Variants in TBX2 observed in about 807,000 individuals in gnomAD.
TBX2 encodes T-box transcription factor TBX2.
TBX2 carries 19 observed loss-of-function variants against 48.4 expected under a neutral mutation model. That is an observed-to-expected ratio of 0.39 (90% CI 0.27 to 0.58). TBX2 has a LOEUF of 0.58. Ranked by LOEUF, TBX2 falls within the 20% of genes least tolerant of loss-of-function variation. The pLI, the probability that TBX2 is intolerant of heterozygous loss-of-function variation, is 0.54. For missense variants in TBX2, 994 were observed against 1,006.5 expected (o/e 0.99, Z 0.17); for synonymous variants, 522 against 459.7 (o/e 1.14, Z -1.73).
At position 61,403,822 on chromosome 17, in the gene TBX2, C is replaced by T. The variant is rs1247473596; in HGVS notation, c.811-599C>T. On this transcript the variant is annotated intron_variant, in intron 3 of 6. Transcript: ENST00000240328. The surrounding 1 kb of genome is among the most constrained non-coding windows in gnomAD (Gnocchi z 5.8). ...GAGCATCACCCCTCTAGGCCTGTGC[C>T]CTTGTGCGCCACTGTCGAGTGAAAG... Among the ~76,000 whole-genome samples the T allele has an allele frequency of 2.0e-5, 3 of 152,076 alleles. No individual in the cohort carries two copies. Among genetic ancestry groups the T allele is most frequent in the Non-Finnish European group, 4.4e-5 (3 of 68,022 alleles).
At position 61,405,792 on chromosome 17, in the gene TBX2, G is replaced by A; in HGVS notation, c.1642G>A (p.Ala548Thr). The change falls in exon 6 of 7, where the codon GCG becomes ACG. Residue 548 changes from alanine (A) to threonine (T), a missense_variant. Physicochemically the swap from Ala to Thr is moderately conservative, Grantham distance 58 (BLOSUM62 0). Transcript: ENST00000240328. ...GPAASAASTA[A>T]PFPFHLSQHM... ...CGCGGCCAGCGCAGCAAGCACCGCC[G>A]CGCCCTTCCCGTTCCACCTCTCCCA... 7.5e-7 allele frequency: 1 copy of A among 1,325,288 alleles called. No individual in the cohort carries two copies. Among genetic ancestry groups the A allele is most frequent in the Non-Finnish European group, 9.6e-7 (1 of 1,044,442 alleles). 82.1% of individuals were successfully genotyped at this position (1,325,288 alleles called of 1,614,324 possible).
chr17:61,405,398 G>T lies in TBX2; in HGVS notation c.1248G>T (p.Pro416=). Reference sequence around the variant, plus strand: ...CGGCCGAGAGCGGCGGGGACGGCCCGTTCGGCCTGAGGAGCCTGGAGAAGG... The same window carrying T: ...CGGCCGAGAGCGGCGGGGACGGCCCTTTCGGCCTGAGGAGCCTGGAGAAGG... ...KEPAESGGDG[P]FGLRSLEKER... Residue 416 remains proline (P), a synonymous_variant, in exon 6 of 7, where the codon CCG becomes CCT. Coordinates refer to ENST00000240328, the MANE Select transcript of TBX2 (RefSeq NM_005994.4). 2 of 1,534,098 alleles carry T rather than the reference G, an allele frequency of 1.3e-6. No individual in the cohort carries two copies. Among genetic ancestry groups the T allele is most frequent in the Non-Finnish European group, 1.7e-6 (2 of 1,144,260 alleles).
chr17:61,408,125 C>G lies in TBX2; in HGVS notation c.1758C>G (p.Ala586=). 1 of 1,610,888 alleles carries G rather than the reference C, an allele frequency of 6.2e-7. No individual in the cohort carries two copies. The highest frequency in any genetic ancestry group is 8.5e-7 in the Non-Finnish European group (1 of 1,179,016). Residue 586 remains alanine, a synonymous_variant, in exon 7 of 7, where the codon GCC becomes GCG. Coordinates refer to ENST00000240328, the MANE Select transcript of TBX2 (RefSeq NM_005994.4). The stretch of plus-strand genomic sequence containing the variant: ...CCTACATGGCAGCAGCAGCCGCAGC[C>G]GCCTCGGCTTTGCCCGCCACTAGTG... ...PYTYMAAAAA[A]ASALPATSAA... is the part of the protein sequence containing the mutation.
chr17:61,404,934 T>A (rs778362112), intron 5 of TBX2, 165 bp downstream of exon 5: 1 of 1,259,896 alleles, frequency 7.9e-7, no homozygotes, highest in South Asian at 1.3e-5. Context: ...ACGAGGGCGG[T>A]CCCCGGTAGC....
chr17:61,401,099 C>G (rs926745519), intron 1 of TBX2, among the ~76,000 whole-genome samples: 1 of 152,156 alleles, frequency 6.6e-6, no homozygotes, highest in Non-Finnish European at 1.5e-5. Flanking sequence ...CGCGGGCATC[C>G]GAGCCCTGGA....
At chr17:61,404,329 C>G in intron 3 of TBX2, 92 bp from the exon 4 acceptor site, 1 of 1,453,808 alleles carries the variant, frequency 6.9e-7, no homozygotes. Context: ...CGGGTCTTCC[C>G]TCTGCGGCCA....
At chr17:61,402,067 A>G in intron 2 of TBX2, 116 bp downstream of exon 2, 4 of 1,432,812 alleles carry the variant, frequency 2.8e-6, no homozygotes, top group Non-Finnish European at 3.7e-6. Context: ...AAACCCCCAG[A>G]GTGCCCCTGC....
intron 1 of TBX2, 112 bp from the exon 2 acceptor site, chr17:61,401,572 A>T: frequency 7.1e-7 from 1 of 1,416,258 alleles, no homozygotes; most frequent in Non-Finnish European, 9.4e-7. Context: ...CAGGGGAAAC[A>T]GCCAGGCGGC....
In TBX2 at chr17:61,405,522, TC is replaced by T; in HGVS notation, c.1378del (p.Leu460TrpfsTer208). 5 of 1,586,594 alleles carry T rather than the reference TC, an allele frequency of 3.2e-6. No individual in the cohort carries two copies. The highest frequency in any genetic ancestry group is 1.3e-5 in the African/African-American group (1 of 74,454). On this transcript the variant is annotated frameshift_variant, in exon 6 of 7. Transcript: ENST00000240328. LOFTEE classifies it high-confidence loss of function. ...APLVVQTDSA[S>X]PLGAGHLPGL... ...GCTGGTGGTGCAGACAGACAGTGCG[TC>T]CCCCCTGGGCGCCGGACACCTGCCC...
chr17:61,404,263 C>G (rs952127338), intron 3 of TBX2, among the ~76,000 whole-genome samples, 158 bp from the exon 4 acceptor site: 2 of 152,266 alleles, frequency 1.3e-5, no homozygotes, highest in Non-Finnish European at 2.9e-5. Context: ...GCCCTCCCAC[C>G]GGCCTCAGCT....
chr17:61,402,752 T>G (rs1418728608), intron 2 of TBX2, among the ~76,000 whole-genome samples: 1 of 152,006 alleles, frequency 6.6e-6, no homozygotes, highest in Non-Finnish European at 1.5e-5. Context: ...TTTGTTTTGT[T>G]TTTTGTTTTG....
chr17:61,400,196 C>T lies in TBX2; in HGVS notation c.20C>T (p.Ala7Val), dbSNP rs1458507909. 4.3e-6 allele frequency: 5 copies of T among 1,152,284 alleles called. No individual in the cohort carries two copies. In the African/African-American group the frequency reaches 6.6e-5, roughly 15 times the overall value. The allele number at this position is 1,152,284 out of a possible 1,614,324, so 71.4% of individuals were successfully genotyped here. A position where few individuals can be genotyped will look rare whatever the true frequency, so the allele number is the denominator to read the frequency against. The change falls in exon 1 of 7, where the codon GCG becomes GTG. Residue 7 changes from alanine to valine, a missense_variant. Physicochemically the swap from Ala to Val is moderately conservative, Grantham distance 64. This residue lies in a region of TBX2 where 165 missense variants were observed against 136.8 expected (regional missense o/e 1.21). Coordinates refer to ENST00000240328, the MANE Select transcript of TBX2 (RefSeq NM_005994.4). This position sits in a 1 kb window ranked among gnomAD's most constrained non-coding sequence, Gnocchi z 9.2. MREPAL[A>V]ASAMAYHPFH... ...GTCCCGATGAGAGAGCCGGCGCTGGCGGCCAGCGCCATGGCTTACCACCCG... is the reference window on the plus strand; with the variant it reads ...GTCCCGATGAGAGAGCCGGCGCTGGTGGCCAGCGCCATGGCTTACCACCCG...
Position 61,401,757 on chromosome 17 carries a change from A to G in TBX2, c.469A>G (p.Ile157Val). 40 of 1,613,002 alleles carry G rather than the reference A, an allele frequency of 2.5e-5. No individual in the cohort carries two copies. The highest frequency in any genetic ancestry group is 3.2e-5 in the Non-Finnish European group (38 of 1,180,006). The change falls in exon 2 of 7, where the codon ATT (isoleucine) becomes GTT (valine). Residue 157 changes from isoleucine (I) to valine (V), a missense_variant. By Grantham distance (29) the Ile-to-Val change is conservative. Transcript: ENST00000240328. ...KKAKYILLMD[I>V]VAADDCRYKF... is the part of the protein sequence containing the mutation. ...GGCCAAGTATATCCTGCTGATGGAC[A>G]TTGTAGCCGCTGACGATTGCCGCTA... is the stretch of plus-strand genomic sequence containing the variant.
chr17:61,407,296 T>G (rs986983446), intron 6 of TBX2: 24 of 152,142 alleles, frequency 1.6e-4, no homozygotes, highest in African/African-American at 5.6e-4. Flanking sequence ...GGGAGCCCAG[T>G]GCAATCATCA....
chr17:61,405,007 G>C (rs2060281970), intron 5 of TBX2, 195 bp from the exon 6 acceptor site: 1 of 1,306,078 alleles, frequency 7.7e-7, no homozygotes. Context: ...ATAGCTGTAG[G>C]GTTTCCTCTC....
Position 61,409,047 on chromosome 17 carries a change from A to AG in TBX2, c.*542dup, listed in dbSNP as rs1343642764. The AG allele has an allele frequency of 2.0e-5, 3 of 152,256 alleles. No homozygotes were observed. The highest frequency in any genetic ancestry group is 7.3e-5 in the African/African-American group (3 of 41,110). The allele number at this position is 152,256 out of a possible 1,614,324, so 9.4% of individuals were successfully genotyped here. On this transcript the variant is annotated 3_prime_UTR_variant, in exon 7 of 7. Coordinates refer to ENST00000240328, the MANE Select transcript of TBX2 (RefSeq NM_005994.4). ...CCTCCCAGCCGTGGTCAACGGAGGG[A>AG]GTGGCACTTCTGCCTTGAGTCCCCA...
chr17:61,404,993 T>C (rs1277178486), intron 5 of TBX2: 3 of 1,280,190 alleles, frequency 2.3e-6, no homozygotes, highest in Non-Finnish European at 3.3e-6. Context: ...CGCCGTGTAA[T>C]TCTATAGCTG....
chr17:61,402,884 G>A (rs1000379778), intron 2 of TBX2, among the ~76,000 whole-genome samples, 177 bp from the exon 3 acceptor site: 4 of 150,344 alleles, frequency 2.7e-5, no homozygotes, highest in Non-Finnish European at 5.9e-5. Context: ...AAATAAGGGT[G>A]AGAAAAGAGC....
rs1165569682 is a variant in TBX2 at position 61,403,685 on chromosome 17, C to A, written c.810+478C>A. On this transcript the variant is annotated intron_variant, in intron 3 of 6. Coordinates refer to ENST00000240328, the MANE Select transcript of TBX2 (RefSeq NM_005994.4). The surrounding 1 kb of genome is among the most constrained non-coding windows in gnomAD (Gnocchi z 5.8). ...CAGCCCCCCAAAGCACTCCTGGCTA[C>A]TGCTCTGGGTCAGTCTAGGCCCCAG... Among the ~76,000 whole-genome samples, 1 of 152,066 alleles carries A rather than the reference C, an allele frequency of 6.6e-6. No individual in the cohort carries two copies. Among genetic ancestry groups the A allele is most frequent in the African/African-American group, 2.4e-5 (1 of 41,390 alleles).
Sources: gnomAD v4.1 joint callset for allele counts (sites outside exome capture counted in the v4.1 genomes callset) on GRCh38, gnomAD v4.1.1 for gene constraint, gnomAD v4.1.1 regional missense constraint, Gnocchi (gnomAD v3.1) non-coding constraint, MANE v1.5 for transcripts, NCBI Gene and HGNC (gene_info 2026-07-23, HGNC 2026-07-21) for gene names.